GLRA2: variants seen among roughly 807,000 people sequenced by gnomAD.
The protein encoded by GLRA2 is glycine receptor subunit alpha-2.
In GLRA2, 11 loss-of-function variants were observed where a neutral mutation model predicts 31.6. The ratio of observed to expected loss-of-function variants is 0.35; its 90% CI spans 0.22 to 0.58. The LOEUF is 0.58. Ranked by LOEUF, GLRA2 falls within the 20% of genes least tolerant of loss-of-function variation. The pLI, the probability that GLRA2 is intolerant of heterozygous loss-of-function variation, is 0.84. For synonymous variants in GLRA2, 132 were observed against 134.0 expected, an observed-to-expected ratio of 0.99 and a Z score of 0.10; for missense variants, 212 against 351.8, an observed-to-expected ratio of 0.60 and a Z score of 3.18.
chrX:14,530,836 C>G (rs964064619), intron 1 of GLRA2: 7 of 314,970 alleles, frequency 2.2e-5, no homozygotes, highest in African/African-American at 2.9e-5. Flanking sequence ...CTCAAAATAT[C>G]AAATCATTAC....
At chrX:14,637,184 G>A (rs1601789279) in intron 7 of GLRA2, among the ~76,000 whole-genome samples, 1 of 112,201 alleles carries the variant, frequency 8.9e-6, no homozygotes, top group South Asian at 3.7e-4. Flanking sequence ...TCTGTGATGG[G>A]GGTAGGGTCA....
intron 2 of GLRA2, among the ~76,000 whole-genome samples, chrX:14,567,936 AC>A (rs1367931304): frequency 8.9e-6 from 1 of 112,560 alleles, no homozygotes; most frequent in African/African-American, 3.2e-5. Context: ...AAAGTTTTGT[AC>A]ACTGAAAACT....
rs1601732719 is a variant in GLRA2, at chrX:14,581,544, G to A, written c.494+138G>A. On this transcript the variant is annotated intron_variant, in intron 4 of 8. Coordinates refer to ENST00000218075, the MANE Select transcript of GLRA2 (RefSeq NM_002063.4). ...TTATCATTTGAATCTTAAAGTTGGT[G>A]GAGAGTGTCAGAAGTCCCTTTGGTC... The A allele has an allele frequency of 5.0e-5, 23 of 456,702 alleles. No homozygotes were observed. In the East Asian group the frequency reaches 8.5e-4, roughly 17 times the overall value. 37.6% of individuals were successfully genotyped at this position (456,702 alleles called of 1,213,427 possible). A position where few individuals can be genotyped will look rare whatever the true frequency, so the allele number is the denominator to read the frequency against.
intron 7 of GLRA2, among the ~76,000 whole-genome samples, chrX:14,668,420 T>C (rs1260744554): frequency 8.9e-6 from 1 of 112,140 alleles, no homozygotes; most frequent in East Asian, 2.8e-4. Context: ...TTGGGGCCCA[T>C]TTTAGAAGGC....
Position 14,677,419 on chromosome X carries a change from TA to T in GLRA2, c.931-13290del, listed in dbSNP as rs778003365. The stretch of plus-strand genomic sequence containing the variant: ...ACTTTAGTTGGGTGGATAAAACACA[TA>T]TGCATGAAGCGAAGACTAAACTGGA... On this transcript the variant is annotated intron_variant, in intron 7 of 8. Transcript: ENST00000218075. Among the ~76,000 whole-genome samples the T allele has an allele frequency of 9.9e-5, 11 of 111,611 alleles. No individual in the cohort carries two copies. In the East Asian group the frequency reaches 2.0e-3, roughly 20 times the overall value.
At chrX:14,700,688 A>G (rs1014767817) in intron 8 of GLRA2, among the ~76,000 whole-genome samples, 1 of 111,113 alleles carries the variant, frequency 9.0e-6, no homozygotes, top group African/African-American at 3.3e-5. Flanking sequence ...TGAAGTGGAC[A>G]GTGAGGAAGT....
chrX:14,574,388 A>C lies in GLRA2; in HGVS notation c.258A>C (p.Thr86=). 1 of 1,190,567 alleles carries C rather than the reference A, an allele frequency of 8.4e-7. No individual in the cohort carries two copies. Among genetic ancestry groups the C allele is most frequent in the South Asian group, 1.8e-5 (1 of 56,500 alleles). The change falls in exon 3 of 9, where the codon ACA becomes ACC. Residue 86 remains threonine (T), a synonymous_variant. Transcript: ENST00000218075. The stretch of plus-strand genomic sequence containing the variant: ...TTATCAACAGTTTTGGATCAGTCAC[A>C]GAAACGACCATGGTAAGTGCTGCAA... ...NIFINSFGSV[T]ETTMDYRVNI...
chrX:14,546,035 C>T (rs1450920685), intron 2 of GLRA2, among the ~76,000 whole-genome samples: 1 of 111,167 alleles, frequency 9.0e-6, no homozygotes, highest in Admixed American at 9.6e-5. Flanking sequence ...TAGATGAATG[C>T]CAGGCTACCT....
chrX:14,565,399 G>T (rs2089790479), intron 2 of GLRA2, among the ~76,000 whole-genome samples: 1 of 111,677 alleles, frequency 9.0e-6, no homozygotes, highest in Admixed American at 9.5e-5. Flanking sequence ...TATGGAGAGA[G>T]ATCTCTAAAG....
At chrX:14,486,263 T>C in the GLRA2 span, among the ~76,000 whole-genome samples, 1 of 111,779 alleles carries the variant, frequency 8.9e-6, no homozygotes, top group Admixed American at 9.5e-5. Context: ...TACAGATAGA[T>C]AAAAGACTTA....
intron 2 of GLRA2, among the ~76,000 whole-genome samples, chrX:14,553,509 T>C (rs767504791): frequency 1.1e-4 from 12 of 111,847 alleles, no homozygotes; most frequent in Non-Finnish European, 1.7e-4. Context: ...TCTGCCTTGA[T>C]AGATGATGGC....
chrX:14,712,678 G>A (rs1217133312), intron 8 of GLRA2, among the ~76,000 whole-genome samples: 1 of 106,323 alleles, frequency 9.4e-6, no homozygotes, highest in Non-Finnish European at 1.9e-5. Flanking sequence ...ATGTGGGGGA[G>A]TAACTGGGGG....
intron 1 of GLRA2, among the ~76,000 whole-genome samples, chrX:14,530,482 T>C (rs1186177649): frequency 8.9e-6 from 1 of 111,789 alleles, no homozygotes; most frequent in Non-Finnish European, 1.9e-5. Context: ...TATAAGATGA[T>C]TGTATTAATT....
chrX:14,666,245 G>A (rs1347544369), intron 7 of GLRA2, among the ~76,000 whole-genome samples: 1 of 111,768 alleles, frequency 8.9e-6, no homozygotes, highest in African/African-American at 3.2e-5. Flanking sequence ...CATTATAAAA[G>A]CATAAATGGA....
At chrX:14,459,248 C>A in the GLRA2 span, among the ~76,000 whole-genome samples, 1 of 111,643 alleles carries the variant, frequency 9.0e-6, no homozygotes, top group Admixed American at 9.5e-5. Flanking sequence ...GTTTTGGTAC[C>A]AGTACCATGC....
chrX:14,665,361 T>C (rs1457734266), intron 7 of GLRA2, among the ~76,000 whole-genome samples: 1 of 112,214 alleles, frequency 8.9e-6, no homozygotes, highest in Non-Finnish European at 1.9e-5. Context: ...GGCGGCCATA[T>C]ACAATCTTGC....
At chrX:14,566,080 G>A (rs944136231) in intron 2 of GLRA2, among the ~76,000 whole-genome samples, 2 of 110,977 alleles carry the variant, frequency 1.8e-5, no homozygotes, top group Non-Finnish European at 3.8e-5. Context: ...CTAGACTGAC[G>A]AAGAAAAAAA....
the GLRA2 span, among the ~76,000 whole-genome samples, chrX:14,463,124 G>T: frequency 1.8e-5 from 2 of 111,532 alleles, no homozygotes; most frequent in Non-Finnish European, 3.8e-5. Flanking sequence ...AGGTCTGTTG[G>T]AGTTTGCTGG....
chrX:14,627,728 T>C (rs2090603550), intron 7 of GLRA2, among the ~76,000 whole-genome samples: 1 of 111,874 alleles, frequency 8.9e-6, no homozygotes, highest in Admixed American at 9.5e-5. Context: ...ATTAAGAGCT[T>C]TCTGTCATTG....
Sources: allele counts gnomAD v4.1 joint callset (sites outside exome capture counted in the v4.1 genomes callset), GRCh38; gene constraint gnomAD v4.1.1; transcripts MANE v1.5; gene names NCBI Gene and HGNC (gene_info 2026-07-23, HGNC 2026-07-21).